The following ACSL3 variants were observed in gnomAD, a reference collection of about 807,000 sequenced individuals.
ACSL3 encodes acyl-CoA synthetase long chain family member 3.
A neutral mutation model predicts 84.7 loss-of-function variants in ACSL3; 34 were observed. That is an observed-to-expected ratio of 0.40 (90% CI 0.31 to 0.53). The LOEUF (loss-of-function observed/expected upper bound fraction) is 0.53. Ranked by LOEUF, ACSL3 falls within the 20% of genes least tolerant of loss-of-function variation. The pLI, the probability that ACSL3 is intolerant of heterozygous loss-of-function variation, is 0.48. For synonymous variants in ACSL3, 315 were observed against 299.4 expected (o/e 1.05, Z -0.54); for missense variants, 680 against 873.1 (o/e 0.78, Z 2.79).
intron 1 of ACSL3, among the ~76,000 whole-genome samples, chr2:222,881,041 G>A (rs1189645614): frequency 1.3e-5 from 2 of 151,764 alleles, no homozygotes; most frequent in African/African-American, 4.8e-5. Flanking sequence ...TGGCTAAAGT[G>A]CAGTGCTGTT....
At chr2:222,895,473 T>TAGAGCTCTTTCTAC (rs1574533836) in intron 2 of ACSL3, among the ~76,000 whole-genome samples, 1 of 14,738 alleles carries the variant, frequency 6.8e-5, no homozygotes, top group African/African-American at 5.5e-4. Context: ...CTTTGTTCTT[T>TAGAGCTCTTTCTAC]TTTTTTTTTT....
At chr2:222,903,393 T>A (rs1412791817) in intron 3 of ACSL3, among the ~76,000 whole-genome samples, 1 of 152,230 alleles carries the variant, frequency 6.6e-6, no homozygotes, top group East Asian at 1.9e-4. Flanking sequence ...CCATTTGTCC[T>A]GGCCTCCCAA....
At chr2:222,910,226 G>A (rs1263547807) in intron 4 of ACSL3, among the ~76,000 whole-genome samples, 2 of 152,238 alleles carry the variant, frequency 1.3e-5, no homozygotes, top group Non-Finnish European at 2.9e-5. Flanking sequence ...TAGAAATGGC[G>A]TGAGAATGCC....
intron 16 of ACSL3, among the ~76,000 whole-genome samples, chr2:222,939,480 G>A (rs1229935729): frequency 2.0e-5 from 3 of 152,186 alleles, no homozygotes; most frequent in Non-Finnish European, 1.5e-5. Context: ...TGATACTGCA[G>A]CCTCTGGTTC....
At chr2:222,921,211 TGAAAA>T in intron 7 of ACSL3, 64 bp from the exon 8 acceptor site, 1 of 1,505,666 alleles carries the variant, frequency 6.6e-7, no homozygotes, top group Non-Finnish European at 9.1e-7. Flanking sequence ...TTGATGATAA[TGAAAA>T]GAAATTGTTG....
chr2:222,939,460 C>G (rs1369157895), intron 16 of ACSL3, among the ~76,000 whole-genome samples: 1 of 152,148 alleles, frequency 6.6e-6, no homozygotes, highest in Non-Finnish European at 1.5e-5. Context: ...GGAGCTCTAC[C>G]TAGTGTCTGT....
intron 1 of ACSL3, among the ~76,000 whole-genome samples, chr2:222,878,469 C>A (rs12105595): frequency 0.086 from 13,166 of 152,248 alleles, 875 homozygotes; most frequent in African/African-American, 0.18. Context: ...ACACTCCTGA[C>A]AACAAGTGTT....
At chr2:222,883,406 C>G (rs1695640184) in intron 1 of ACSL3, among the ~76,000 whole-genome samples, 1 of 151,810 alleles carries the variant, frequency 6.6e-6, no homozygotes, top group Non-Finnish European at 1.5e-5. Flanking sequence ...TGGTCTCGAA[C>G]TCCCGACCTC....
At chr2:222,933,410 T>G (rs1156989224) in intron 15 of ACSL3, 130 bp downstream of exon 15, 6 of 602,076 alleles carry the variant, frequency 1.0e-5, no homozygotes, top group Admixed American at 3.2e-5. Flanking sequence ...GGGAATGGCC[T>G]CCTTCTCATT....
At chr2:222,875,995 A>G (rs964988595) in intron 1 of ACSL3, among the ~76,000 whole-genome samples, 10 of 152,266 alleles carry the variant, frequency 6.6e-5, no homozygotes, top group African/African-American at 2.4e-4. Flanking sequence ...AAGTAGATAG[A>G]AAGTAAAACA....
chr2:222,907,519 G>A (rs1696322965), intron 3 of ACSL3, among the ~76,000 whole-genome samples: 1 of 152,152 alleles, frequency 6.6e-6, no homozygotes, highest in East Asian at 1.9e-4. Context: ...CCAGCACTTT[G>A]GGAGGCTCAG....
chr2:222,925,342 CAAAAAAAA>C (rs34016050), intron 11 of ACSL3, among the ~76,000 whole-genome samples: 3 of 85,498 alleles, frequency 3.5e-5, no homozygotes, highest in Non-Finnish European at 7.1e-5. Flanking sequence ...ACTCTTGTCT[CAAAAAAAA>C]AAAAAAAAAA....
Position 222,924,575 on chromosome 2 carries a change from T to G in ACSL3, c.1272T>G (p.Arg424=). Residue 424 remains arginine (R), a synonymous_variant, in exon 11 of 17, where the codon CGT becomes CGG. Transcript: ENST00000357430. ...AAATGGAACAGATTTCAAAAGGACG[T>G]AATACTCCACTGTGCGACAGGTAAG... ...NYKMEQISKG[R]NTPLCDSFVF... The G allele has an allele frequency of 6.2e-7, 1 of 1,607,764 alleles. No individual in the cohort carries two copies. Among genetic ancestry groups the G allele is most frequent in the Non-Finnish European group, 8.5e-7 (1 of 1,177,650 alleles).
At chr2:222,924,410 G>A in intron 10 of ACSL3, 46 bp from the exon 11 acceptor site, 2 of 1,486,440 alleles carry the variant, frequency 1.3e-6, no homozygotes, top group Non-Finnish European at 1.8e-6. Context: ...AATATGTAAG[G>A]CAGCTGTTAT....
intron 2 of ACSL3, among the ~76,000 whole-genome samples, chr2:222,895,000 A>G (rs1490670625): frequency 6.6e-6 from 1 of 151,954 alleles, no homozygotes; most frequent in Non-Finnish European, 1.5e-5. Flanking sequence ...GCAGTTAACT[A>G]CTCATCCCCA....
At chr2:222,873,697 C>A (rs1234054110) in intron 1 of ACSL3, among the ~76,000 whole-genome samples, 2 of 152,078 alleles carry the variant, frequency 1.3e-5, no homozygotes, top group African/African-American at 4.8e-5. Context: ...TGAGCAATTC[C>A]CATGTTATTG....
intron 1 of ACSL3, chr2:222,861,724 T>C: frequency 6.6e-6 from 1 of 152,408 alleles, no homozygotes; most frequent in Non-Finnish European, 1.5e-5. Context: ...TGTTGCTGCG[T>C]GGGGTGAGAA....
Position 222,909,112 on chromosome 2 carries a change from G to C in ACSL3, c.340G>C (p.Glu114Gln). 1 of 1,602,882 alleles carries C rather than the reference G, an allele frequency of 6.2e-7. No individual in the cohort carries two copies. Among genetic ancestry groups the C allele is most frequent in the Non-Finnish European group, 8.5e-7 (1 of 1,177,578 alleles). Residue 114 changes from glutamate (E) to glutamine (Q), a missense_variant, in exon 4 of 17, where the codon GAA becomes CAA. Glu to Gln is a conservative substitution (Grantham distance 29, BLOSUM62 2). Coordinates refer to ENST00000357430, the MANE Select transcript of ACSL3 (RefSeq NM_004457.5). ...LLGTREVLNE[E>Q]DEVQPNGKIF... is the part of the protein sequence containing the mutation. ...GGGAACACGTGAAGTTTTAAATGAG[G>C]AAGATGAAGTACAACCAAATGGAAA...
At chr2:222,871,521 C>T (rs1485462483) in intron 1 of ACSL3, among the ~76,000 whole-genome samples, 4 of 152,154 alleles carry the variant, frequency 2.6e-5, no homozygotes, top group Non-Finnish European at 5.9e-5. Flanking sequence ...TCAGCTAAGG[C>T]TGGGTCTCAC....
Sources: allele counts gnomAD v4.1 joint callset (sites outside exome capture counted in the v4.1 genomes callset), GRCh38; gene constraint gnomAD v4.1.1; transcripts MANE v1.5; gene names NCBI Gene and HGNC (gene_info 2026-07-23, HGNC 2026-07-21).